Variants in STPG2 observed in about 807,000 individuals in gnomAD.
The protein encoded by STPG2 is sperm tail PG-rich repeat containing 2, also known as sperm-tail PG-rich repeat-containing protein 2.
A neutral mutation model predicts 54.2 loss-of-function variants in STPG2; 56 were observed. The observed-to-expected ratio is 1.03, with a 90% CI of 0.83 to 1.29. STPG2 has a LOEUF of 1.29. Among genes scored for constraint, STPG2 ranks in the 50% most tolerant of loss-of-function variants. STPG2 has a pLI of 0.00. For synonymous variants in STPG2, 200 were observed against 181.8 expected (o/e 1.10, Z -0.81); for missense variants, 596 against 544.9 (o/e 1.09, Z -0.93).
intron 4 of STPG2, among the ~76,000 whole-genome samples, chr4:97,548,362 G>A (rs1000171484): frequency 7.9e-5 from 12 of 151,952 alleles, no homozygotes; most frequent in East Asian, 1.9e-4. Context: ...AACAAAAAAC[G>A]AAACAAAACA....
chr4:97,948,464 C>T (rs1037530611), intron 7 of STPG2, among the ~76,000 whole-genome samples: 5 of 151,724 alleles, frequency 3.3e-5, no homozygotes, highest in African/African-American at 1.2e-4. Flanking sequence ...TAGATTTGGG[C>T]TTAGTTTGTT....
At chr4:97,981,728 A>G (rs1347111267) in intron 5 of STPG2, among the ~76,000 whole-genome samples, 1 of 151,090 alleles carries the variant, frequency 6.6e-6, no homozygotes, top group East Asian at 1.9e-4. Flanking sequence ...TGTATATTCA[A>G]TTAACTCAAC....
At chr4:97,513,876 TGTC>T (rs1219613360) in intron 4 of STPG2, among the ~76,000 whole-genome samples, 3 of 152,052 alleles carry the variant, frequency 2.0e-5, no homozygotes. Context: ...ATCTAGCCAA[TGTC>T]ACAAATCTAG....
At chr4:97,582,693 A>C (rs1286489685) in intron 10 of STPG2, among the ~76,000 whole-genome samples, 4 of 152,054 alleles carry the variant, frequency 2.6e-5, no homozygotes, top group Non-Finnish European at 2.9e-5. Context: ...ATGATAAGTA[A>C]ATTTGTGGCA....
chr4:97,705,156 A>T (rs1723900040), intron 10 of STPG2, among the ~76,000 whole-genome samples: 1 of 152,078 alleles, frequency 6.6e-6, no homozygotes, highest in African/African-American at 2.4e-5. Flanking sequence ...TAATACTAAC[A>T]ATAAGCTTGA....
intron 9 of STPG2, among the ~76,000 whole-genome samples, chr4:97,722,194 T>G (rs984062862): frequency 3.3e-5 from 5 of 152,036 alleles, no homozygotes; most frequent in South Asian, 2.1e-4. Context: ...AGAAAAGACT[T>G]GTGTATAAAT....
intron 5 of STPG2, among the ~76,000 whole-genome samples, chr4:97,994,457 A>T (rs768129674): frequency 6.6e-6 from 1 of 152,174 alleles, no homozygotes; most frequent in South Asian, 2.1e-4. Context: ...GTTGGGTAGA[A>T]TGCTCTGTAA....
In STPG2 at chr4:97,809,912, A is replaced by G. The variant is rs151230411; in HGVS notation, c.1204+30861T>C. On this transcript the variant is annotated intron_variant, in intron 9 of 10. Transcript: ENST00000295268. ...ATTTGTTACACAGCAATAAAAAAAA[A>G]TGCACTAGTATTTAAAAAAATAAAA... is the stretch of plus-strand genomic sequence containing the variant. Among the ~76,000 whole-genome samples the G allele has an allele frequency of 2.8e-3, 427 of 152,270 alleles. 3 individuals are homozygous for G. Among genetic ancestry groups the G allele is most frequent in the African/African-American group, 9.4e-3 (391 of 41,558 alleles).
chr4:98,086,672 A>C (rs1738525791), intron 5 of STPG2, among the ~76,000 whole-genome samples: 1 of 149,064 alleles, frequency 6.7e-6, no homozygotes, highest in Non-Finnish European at 1.5e-5. Flanking sequence ...GCCAGAAAAA[A>C]AAAAAAAAAA....
At chr4:97,723,226 A>G (rs1045796146) in intron 9 of STPG2, among the ~76,000 whole-genome samples, 1 of 151,888 alleles carries the variant, frequency 6.6e-6, no homozygotes, top group Admixed American at 6.6e-5. Context: ...AGTTAAGCTT[A>G]GATTTTTTTT....
At chr4:98,121,911 G>A (rs967104497) in intron 3 of STPG2, among the ~76,000 whole-genome samples, 3 of 151,970 alleles carry the variant, frequency 2.0e-5, no homozygotes, top group African/African-American at 4.8e-5. Flanking sequence ...TAGTACAGAC[G>A]GAGTTTCACC....
chr4:98,099,140 A>T (rs1161379541), intron 5 of STPG2, among the ~76,000 whole-genome samples: 2 of 152,204 alleles, frequency 1.3e-5, no homozygotes, highest in East Asian at 3.8e-4. Context: ...TGAAATCAAT[A>T]TATCAAAGAG....
intron 4 of STPG2, among the ~76,000 whole-genome samples, chr4:97,488,852 A>G (rs1730434852): frequency 6.6e-6 from 1 of 151,766 alleles, no homozygotes; most frequent in South Asian, 2.1e-4. Flanking sequence ...GCTGATGGTA[A>G]GTCAGAAACT....
intron 4 of STPG2, among the ~76,000 whole-genome samples, chr4:97,496,085 C>T (rs1224077480): frequency 6.6e-6 from 1 of 151,546 alleles, no homozygotes; most frequent in African/African-American, 2.4e-5. Flanking sequence ...AATTAGATGA[C>T]TAACACTTTA....
intron 10 of STPG2, among the ~76,000 whole-genome samples, chr4:97,703,076 G>A (rs1840683): frequency 0.47 from 71,488 of 151,658 alleles, 17,883 homozygotes; most frequent in South Asian, 0.64. Flanking sequence ...ATGTTCCTTG[G>A]TTCTCCGCAT....
chr4:97,936,687 A>G (rs182931410), intron 8 of STPG2, among the ~76,000 whole-genome samples: 1 of 152,322 alleles, frequency 6.6e-6, no homozygotes, highest in Non-Finnish European at 1.5e-5. Context: ...CTTTTCTTTA[A>G]GAATGTTGAA....
intron 10 of STPG2, among the ~76,000 whole-genome samples, chr4:97,570,543 G>C (rs959173537): frequency 6.6e-6 from 1 of 151,566 alleles, no homozygotes; most frequent in Non-Finnish European, 1.5e-5. Context: ...AGGTATTCTA[G>C]ATTTGCAAAA....
chr4:98,132,285 A>C (rs1740015749), intron 2 of STPG2, among the ~76,000 whole-genome samples: 1 of 151,756 alleles, frequency 6.6e-6, no homozygotes, highest in Non-Finnish European at 1.5e-5. Context: ...TACAGTTAAA[A>C]ACTAAAGTTT....
intron 4 of STPG2, among the ~76,000 whole-genome samples, chr4:97,499,454 T>C (rs562630007): frequency 6.6e-6 from 1 of 152,062 alleles, no homozygotes; most frequent in South Asian, 2.1e-4. Context: ...GACAAAAATC[T>C]CTAGTTTTAT....
Sources: gnomAD v4.1 joint callset for allele counts (sites outside exome capture counted in the v4.1 genomes callset) on GRCh38, gnomAD v4.1.1 for gene constraint, MANE v1.5 for transcripts, NCBI Gene and HGNC (gene_info 2026-07-23, HGNC 2026-07-21) for gene names.